The following CRB1 variants were observed in gnomAD, a reference collection of about 807,000 sequenced individuals.
CRB1 encodes the protein protein crumbs homolog 1.
Under a neutral mutation model 120.0 loss-of-function variants are expected in CRB1, and 83 were observed. The ratio of observed to expected loss-of-function variants is 0.69; its 90% CI spans 0.58 to 0.83. The LOEUF (loss-of-function observed/expected upper bound fraction) is 0.83. CRB1 is among the 40% of genes least tolerant of loss of function. CRB1 has a pLI of 0.00. For missense variants in CRB1, 1,699 were observed against 1,687.6 expected, an observed-to-expected ratio of 1.01 and a Z score of -0.12; for synonymous variants, 625 against 612.5, an observed-to-expected ratio of 1.02 and a Z score of -0.30.
At chr1:197,357,124 G>T in intron 5 of CRB1, 111 bp downstream of exon 5, 1 of 1,118,610 alleles carries the variant, frequency 8.9e-7, no homozygotes, top group Middle Eastern at 2.0e-4. Context: ...AAACTCTGCT[G>T]CTGTGGTGCA....
intron 11 of CRB1, among the ~76,000 whole-genome samples, chr1:197,466,520 A>G (rs1482037306): frequency 2.0e-5 from 3 of 152,158 alleles, no homozygotes; most frequent in African/African-American, 4.8e-5. Flanking sequence ...TGTTCTCAGC[A>G]TATCTATTGG....
chr1:197,354,595 T>A (rs1660326787), intron 4 of CRB1, among the ~76,000 whole-genome samples: 1 of 152,062 alleles, frequency 6.6e-6, no homozygotes, highest in Admixed American at 6.5e-5. Context: ...AGTTGTTTAT[T>A]CCTCCTGGAG....
intron 7 of CRB1, 104 bp from the exon 8 acceptor site, chr1:197,429,345 C>T (rs1440973006): frequency 1.0e-5 from 15 of 1,434,216 alleles, no homozygotes; most frequent in Admixed American, 5.1e-5. Context: ...TGTAAAGATG[C>T]AGGGAAATTA....
chr1:197,427,625 T>C lies in CRB1; in HGVS notation c.2300T>C (p.Leu767Pro), dbSNP rs1451348539. Residue 767 changes from leucine to proline, a missense_variant, in exon 7 of 12, where the codon CTA becomes CCA. Transcript: ENST00000367400. Reference protein sequence around the residue: ...NSTYQYIRVWLERGRLAMLTP... With the variant: ...NSTYQYIRVWPERGRLAMLTP... The stretch of plus-strand genomic sequence containing the variant: ...ACTTATCAATATATCCGTGTCTGGC[T>C]AGAGCGCGGCAGACTAGCAATGCTG... The C allele has an allele frequency of 2.5e-6, 4 of 1,613,900 alleles. No individual in the cohort carries two copies. The Admixed American group carries it at 5.0e-5, about 20-fold the overall frequency.
Position 197,421,863 on chromosome 1 carries a change from C to G in CRB1, c.2035C>G (p.Gln679Glu), listed in dbSNP as rs62636286. 27 of 1,614,050 alleles carry G rather than the reference C, an allele frequency of 1.7e-5. No homozygotes were observed. The highest frequency in any genetic ancestry group is 2.7e-5 in the African/African-American group (2 of 74,910). ...GCVRKDWCES[Q>E]PCQSRGRCIN... ...TGTGAGAAAGGATTGGTGTGAAAGC[C>G]AACCTTGTCAAAGCAGAGGACGCTG... The change falls in exon 6 of 12, where the codon CAA becomes GAA. Residue 679 changes from glutamine (Q) to glutamate (E), a missense_variant. Transcript: ENST00000367400.
intron 4 of CRB1, among the ~76,000 whole-genome samples, chr1:197,353,814 T>TAAAAAAAA (rs57274486): frequency 1.2e-3 from 104 of 88,896 alleles, no homozygotes; most frequent in Non-Finnish European, 1.7e-3. Flanking sequence ...AATATATAAA[T>TAAAAAAAA]AAAAAAAAAA....
chr1:197,391,083 AAC>A (rs1396199347), intron 5 of CRB1, among the ~76,000 whole-genome samples: 6 of 152,246 alleles, frequency 3.9e-5, no homozygotes, highest in African/African-American at 1.4e-4. Context: ...TTGTAATTAG[AAC>A]AAGCAGGAGA....
At chr1:197,351,513 C>A (rs575770461) in intron 4 of CRB1, among the ~76,000 whole-genome samples, 5 of 152,198 alleles carry the variant, frequency 3.3e-5, no homozygotes, top group African/African-American at 9.6e-5. Flanking sequence ...AGGACTAAAG[C>A]CAGATCACAA....
At chr1:197,380,074 G>T (rs2125398568) in intron 5 of CRB1, among the ~76,000 whole-genome samples, 1 of 152,208 alleles carries the variant, frequency 6.6e-6, no homozygotes. Context: ...AAAAGAGGCA[G>T]ATAAAGAAAA....
At chr1:197,455,147 G>A (rs1344485295) in intron 11 of CRB1, among the ~76,000 whole-genome samples, 1 of 151,986 alleles carries the variant, frequency 6.6e-6, no homozygotes, top group East Asian at 1.9e-4. Context: ...TACTGTTCTG[G>A]GCAAACTAGG....
At chr1:197,309,974 A>G (rs916539768) in intron 1 of CRB1, among the ~76,000 whole-genome samples, 1 of 152,068 alleles carries the variant, frequency 6.6e-6, no homozygotes, top group African/African-American at 2.4e-5. Flanking sequence ...AAAAATATCT[A>G]CGTTTGCACA....
At chr1:197,250,916 A>G in the CRB1 span, among the ~76,000 whole-genome samples, 1 of 152,180 alleles carries the variant, frequency 6.6e-6, no homozygotes, top group Middle Eastern at 3.4e-3. Flanking sequence ...ATCTGCAAAA[A>G]GGTTTTAAAA....
chr1:197,448,317 G>A (rs377536515), intron 11 of CRB1, among the ~76,000 whole-genome samples: 89 of 152,220 alleles, frequency 5.8e-4, no homozygotes, highest in South Asian at 5.6e-3. Context: ...GCTGAGTTGC[G>A]TAAATGCCCC....
At chr1:197,291,111 AC>A (rs1452848870) in intron 1 of CRB1, among the ~76,000 whole-genome samples, 2 of 151,826 alleles carry the variant, frequency 1.3e-5, no homozygotes, top group Admixed American at 1.3e-4. Flanking sequence ...AAAAATAATA[AC>A]TTCAAGAGCT....
rs535346541 is a variant in CRB1 at position 197,288,154 on chromosome 1, C to G, written c.70+19672C>G. ...ACAGACCAGAGATCTGCAGAAGCTCCTTTTAGTATTCAGCTGAGTTTATAT... is the reference window on the plus strand; with the variant it reads ...ACAGACCAGAGATCTGCAGAAGCTCGTTTTAGTATTCAGCTGAGTTTATAT... On this transcript the variant is annotated intron_variant, in intron 1 of 11. Transcript: ENST00000367400. Among the ~76,000 whole-genome samples, 4 of 151,816 alleles carry G rather than the reference C, an allele frequency of 2.6e-5. No homozygotes were observed. In the East Asian group the frequency reaches 7.8e-4, roughly 30 times the overall value.
chr1:197,392,834 A>G (rs1161987614), intron 5 of CRB1, among the ~76,000 whole-genome samples: 1 of 152,112 alleles, frequency 6.6e-6, no homozygotes, highest in Non-Finnish European at 1.5e-5. Flanking sequence ...TATTATTTGA[A>G]ATGAGAAAGT....
At chr1:197,233,283 A>T in the CRB1 span, among the ~76,000 whole-genome samples, 1 of 152,248 alleles carries the variant, frequency 6.6e-6, no homozygotes, top group East Asian at 1.9e-4. Flanking sequence ...ATGAAAATAG[A>T]TACTATAAAC....
chr1:197,386,633 C>T (rs947025412), intron 5 of CRB1, among the ~76,000 whole-genome samples: 2 of 152,110 alleles, frequency 1.3e-5, no homozygotes, highest in Admixed American at 1.3e-4. Flanking sequence ...AAACGGACTG[C>T]AAGAAATAAT....
chr1:197,246,908 A>T, the CRB1 span, among the ~76,000 whole-genome samples: 1 of 152,066 alleles, frequency 6.6e-6, no homozygotes, highest in Admixed American at 6.6e-5. Context: ...GGCTTACATC[A>T]TGGAATTACT....
Sources: gnomAD v4.1 joint callset for allele counts (sites outside exome capture counted in the v4.1 genomes callset) on GRCh38, gnomAD v4.1.1 for gene constraint, MANE v1.5 for transcripts, NCBI Gene and HGNC (gene_info 2026-07-23, HGNC 2026-07-21) for gene names.